The following BBS9 variants were observed in gnomAD, a reference collection of about 807,000 sequenced individuals.
The protein encoded by BBS9 is Bardet-Biedl syndrome 9, also known as protein PTHB1.
A neutral mutation model predicts 117.7 loss-of-function variants in BBS9; 89 were observed. The observed-to-expected ratio is 0.76, with a 90% CI of 0.64 to 0.90. The LOEUF is 0.90. Ranked by LOEUF, BBS9 falls within the 40% of genes least tolerant of loss-of-function variation. The probability of loss-of-function intolerance (pLI) is 0.00; values close to 1 mark genes in which losing one functional copy is unlikely to be tolerated. For missense variants in BBS9, 982 were observed against 1,042.2 expected (o/e 0.94, Z 0.80); for synonymous variants, 379 against 370.9 (o/e 1.02, Z -0.25).
chr7:33,600,610 G>A (rs760366456), intron 21 of BBS9, among the ~76,000 whole-genome samples: 8 of 152,122 alleles, frequency 5.3e-5, no homozygotes, highest in Non-Finnish European at 1.0e-4. Flanking sequence ...AAGGAATTCA[G>A]TCTCAGTTAT....
At chr7:33,405,408 C>T (rs1268731835) in intron 19 of BBS9, among the ~76,000 whole-genome samples, 1 of 152,020 alleles carries the variant, frequency 6.6e-6, no homozygotes, top group African/African-American at 2.4e-5. Flanking sequence ...GGAATAGTTT[C>T]AGAAGGAATG....
downstream of BBS9, among the ~76,000 whole-genome samples, chr7:33,607,880 C>CTT (rs541343507): frequency 1.4e-5 from 2 of 141,642 alleles, no homozygotes; most frequent in Admixed American, 7.1e-5. Flanking sequence ...TGATAGCTCT[C>CTT]TTTTTTTTTT....
chr7:33,427,629 T>C (rs1370195049), intron 19 of BBS9, among the ~76,000 whole-genome samples: 1 of 152,220 alleles, frequency 6.6e-6, no homozygotes, highest in Non-Finnish European at 1.5e-5. Flanking sequence ...ACAGTTCTTG[T>C]ACATTTAGGG....
At chr7:33,524,651 T>G (rs1849189481) in intron 20 of BBS9, among the ~76,000 whole-genome samples, 2 of 152,204 alleles carry the variant, frequency 1.3e-5, no homozygotes, top group Admixed American at 6.5e-5. Context: ...TTTTTCTTTA[T>G]TAGTCTTGCT....
intron 21 of BBS9, among the ~76,000 whole-genome samples, chr7:33,633,625 T>G (rs767158649): frequency 6.6e-6 from 1 of 151,984 alleles, no homozygotes; most frequent in African/African-American, 2.4e-5. Flanking sequence ...CGGGTTTTAC[T>G]GCAGGTAGTG....
chr7:33,565,378 A>C (rs1163376850), intron 21 of BBS9, among the ~76,000 whole-genome samples: 1 of 152,122 alleles, frequency 6.6e-6, no homozygotes, highest in Non-Finnish European at 1.5e-5. Flanking sequence ...GGAAAATGCA[A>C]CTTAAAGGGA....
At chr7:33,255,354 T>TG (rs1796866402) in intron 5 of BBS9, among the ~76,000 whole-genome samples, 1 of 151,406 alleles carries the variant, frequency 6.6e-6, no homozygotes, top group African/African-American at 2.4e-5. Flanking sequence ...GATCTTTTTT[T>TG]TTTTTTTTTG....
chr7:33,377,201 C>A (rs2128734507), intron 17 of BBS9, among the ~76,000 whole-genome samples: 1 of 152,226 alleles, frequency 6.6e-6, no homozygotes, highest in South Asian at 2.1e-4. Context: ...AGTCTTTAAC[C>A]CATCTTGAGT....
intron 21 of BBS9, among the ~76,000 whole-genome samples, chr7:33,601,902 C>T (rs966344767): frequency 6.6e-6 from 1 of 152,134 alleles, no homozygotes; most frequent in Non-Finnish European, 1.5e-5. Context: ...TATTACCATC[C>T]CGTTCACCTC....
At chr7:33,495,728 A>T (rs1159994781) in intron 19 of BBS9, among the ~76,000 whole-genome samples, 2 of 152,178 alleles carry the variant, frequency 1.3e-5, no homozygotes, top group East Asian at 3.9e-4. Context: ...AAAGGTAAAA[A>T]TAGTAAGCAG....
intron 19 of BBS9, among the ~76,000 whole-genome samples, chr7:33,487,178 G>A (rs1219082034): frequency 6.6e-6 from 1 of 152,096 alleles, no homozygotes; most frequent in Non-Finnish European, 1.5e-5. Flanking sequence ...AGCATTCTTT[G>A]TTTAAAGACG....
intron 9 of BBS9, among the ~76,000 whole-genome samples, chr7:33,330,022 T>G (rs551884570): frequency 4.4e-4 from 67 of 151,612 alleles, no homozygotes; most frequent in Middle Eastern, 3.4e-3. Flanking sequence ...AAAATTGTGT[T>G]TTTTTTTTGG....
intron 19 of BBS9, among the ~76,000 whole-genome samples, chr7:33,445,126 A>G (rs1836799688): frequency 6.6e-6 from 1 of 152,182 alleles, no homozygotes; most frequent in South Asian, 2.1e-4. Flanking sequence ...CACATTTTAA[A>G]TTTTGATGGA....
intron 21 of BBS9, among the ~76,000 whole-genome samples, chr7:33,560,281 T>TCCAAACC (rs1855898523): frequency 6.6e-6 from 1 of 152,180 alleles, no homozygotes; most frequent in Non-Finnish European, 1.5e-5. Context: ...CAAACCAGCC[T>TCCAAACC]AGGGATCATA....
intron 9 of BBS9, among the ~76,000 whole-genome samples, chr7:33,301,455 T>C (rs1195562344): frequency 1.3e-5 from 2 of 152,118 alleles, no homozygotes; most frequent in African/African-American, 4.8e-5. Context: ...TAACCATCCT[T>C]GTGCTCTCCA....
intron 5 of BBS9, among the ~76,000 whole-genome samples, chr7:33,231,985 C>G (rs1270229502): frequency 1.3e-5 from 2 of 152,066 alleles, no homozygotes; most frequent in African/African-American, 4.8e-5. Context: ...CAAAATCACC[C>G]CTACTGCTCA....
chr7:33,273,276 A>G (rs999635680), intron 8 of BBS9, 81 bp downstream of exon 8: 8 of 1,366,898 alleles, frequency 5.9e-6, no homozygotes, highest in Middle Eastern at 2.0e-4. Context: ...ACTCATACAC[A>G]TATTGTAAAC....
intron 7 of BBS9, among the ~76,000 whole-genome samples, chr7:33,265,758 G>A (rs921193172): frequency 4.6e-5 from 7 of 152,024 alleles, no homozygotes; most frequent in South Asian, 2.1e-4. Context: ...CAGGAGAATC[G>A]CTTGAACCTG....
chr7:33,547,895 T>G (rs1853674620), intron 21 of BBS9, among the ~76,000 whole-genome samples: 1 of 152,176 alleles, frequency 6.6e-6, no homozygotes, highest in Non-Finnish European at 1.5e-5. Context: ...CATAATGAGA[T>G]GAATGGAAGA....
Sources: allele counts gnomAD v4.1 joint callset (sites outside exome capture counted in the v4.1 genomes callset), GRCh38; gene constraint gnomAD v4.1.1; transcripts MANE v1.5; gene names NCBI Gene and HGNC (gene_info 2026-07-23, HGNC 2026-07-21).